The following NAV2 variants were observed in gnomAD, a reference collection of about 807,000 sequenced individuals.
NAV2 encodes the protein helicase, APC down-regulated 1.
Under a neutral mutation model 223.2 loss-of-function variants are expected in NAV2, and 54 were observed. The observed-to-expected ratio is 0.24, with a 90% CI of 0.19 to 0.30. NAV2 has a LOEUF of 0.30. Ranked by LOEUF, NAV2 falls within the 10% of genes least tolerant of loss-of-function variation. NAV2 has a pLI of 1.00. For synonymous variants in NAV2, 1,279 were observed against 1,239.3 expected, an observed-to-expected ratio of 1.03 and a Z score of -0.67; for missense variants, 2,806 against 3,147.5, an observed-to-expected ratio of 0.89 and a Z score of 2.60.
At chr11:20,069,303 G>A (rs561688256) in intron 22 of NAV2, among the ~76,000 whole-genome samples, 1 of 152,106 alleles carries the variant, frequency 6.6e-6, no homozygotes, top group South Asian at 2.1e-4. Context: ...AGTGTCTATG[G>A]CTTGGATGTG....
At position 19,668,566 on chromosome 11, in the gene NAV2, C is replaced by T. The variant is rs73424386; in HGVS notation, c.76-163918C>T. ...AAAAAAAAAAAAAAAAGTAGCCCTA[C>T]GTTCCATAGTCCAGTGATTTGAAGT... On this transcript the variant is annotated intron_variant, in intron 1 of 37. Coordinates refer to the NAV2 transcript ENST00000360655. Among the ~76,000 whole-genome samples, 923 of 149,996 alleles carry T rather than the reference C, an allele frequency of 6.2e-3. 7 individuals carry two copies. The highest frequency in any genetic ancestry group is 0.02 in the African/African-American group (825 of 40,820).
At chr11:19,903,909 T>G (rs1421043830) in intron 6 of NAV2, among the ~76,000 whole-genome samples, 1 of 152,138 alleles carries the variant, frequency 6.6e-6, no homozygotes, top group Admixed American at 6.5e-5. Flanking sequence ...GTGGGTGTGA[T>G]CAGGTTCATG....
intron 16 of NAV2, among the ~76,000 whole-genome samples, chr11:20,050,881 C>T (rs1442489520): frequency 6.6e-6 from 1 of 152,182 alleles, no homozygotes; most frequent in Non-Finnish European, 1.5e-5. Flanking sequence ...AGGGGGTGGG[C>T]CAGAGTTAGG....
intron 1 of NAV2, among the ~76,000 whole-genome samples, chr11:19,458,126 G>A (rs7933839): frequency 2.0e-3 from 306 of 152,344 alleles, no homozygotes; most frequent in African/African-American, 6.7e-3. Context: ...CCAGACGACT[G>A]CATCTGGGAA....
chr11:19,482,097 T>C (rs989570458), intron 1 of NAV2, among the ~76,000 whole-genome samples: 3 of 152,274 alleles, frequency 2.0e-5, no homozygotes, highest in Admixed American at 6.5e-5. Context: ...ATAATCCATT[T>C]ATTGAAAGTC....
At chr11:20,066,746 A>G (rs940779964) in intron 20 of NAV2, among the ~76,000 whole-genome samples, 1 of 152,236 alleles carries the variant, frequency 6.6e-6, no homozygotes, top group Non-Finnish European at 1.5e-5. Flanking sequence ...TTTTTAAAAA[A>G]TAATGGGCTT....
intron 1 of NAV2, among the ~76,000 whole-genome samples, chr11:19,761,760 T>G (rs1174483464): frequency 1.3e-5 from 2 of 152,242 alleles, no homozygotes; most frequent in Non-Finnish European, 2.9e-5. Context: ...AGAGGACTAA[T>G]CCTACCCTCA....
chr11:19,470,609 G>A (rs1013971637), intron 1 of NAV2, among the ~76,000 whole-genome samples: 16 of 152,106 alleles, frequency 1.1e-4, no homozygotes, highest in African/African-American at 3.4e-4. Flanking sequence ...TGACCATAAT[G>A]ACCTAATCAC....
chr11:19,511,127 G>C (rs931805898), intron 1 of NAV2: 2 of 152,212 alleles, frequency 1.3e-5, no homozygotes, highest in Admixed American at 1.3e-4. Flanking sequence ...AGCAAAGTCT[G>C]TTCCTGACTC....
At chr11:19,540,472 A>T (rs1408969543) in intron 1 of NAV2, among the ~76,000 whole-genome samples, 1 of 152,196 alleles carries the variant, frequency 6.6e-6, no homozygotes, top group Non-Finnish European at 1.5e-5. Flanking sequence ...AGGTAACTAT[A>T]ATCATTCCCA....
At chr11:20,107,841 A>C in intron 36 of NAV2, 59 bp downstream of exon 36, 2 of 1,176,058 alleles carry the variant, frequency 1.7e-6, no homozygotes, top group Non-Finnish European at 2.5e-6. Context: ...TGGTGACCAG[A>C]TGAGTTGTCT....
At chr11:20,050,573 A>G (rs1162425271) in intron 16 of NAV2, among the ~76,000 whole-genome samples, 24 of 125,296 alleles carry the variant, frequency 1.9e-4, no homozygotes, top group South Asian at 7.1e-4. Context: ...CTCCTGCCAG[A>G]AAAAAAAAAA....
At chr11:20,001,141 G>A (rs544294467) in intron 11 of NAV2, among the ~76,000 whole-genome samples, 3 of 151,988 alleles carry the variant, frequency 2.0e-5, no homozygotes, top group African/African-American at 7.3e-5. Context: ...CACGCTCCGG[G>A]GTATTGTAAA....
chr11:19,813,355 C>T (rs2058936194), intron 1 of NAV2, among the ~76,000 whole-genome samples: 2 of 152,182 alleles, frequency 1.3e-5, no homozygotes, highest in Admixed American at 1.3e-4. Context: ...GTCCCTTGGC[C>T]TAGAGCTTCA....
chr11:19,826,500 C>T (rs1039191534), intron 1 of NAV2, among the ~76,000 whole-genome samples: 1 of 151,948 alleles, frequency 6.6e-6, no homozygotes, highest in African/African-American at 2.4e-5. Context: ...TCAAGGGTAC[C>T]CCTTGGAAGA....
chr11:19,463,571 G>A (rs1355199148), intron 1 of NAV2, among the ~76,000 whole-genome samples: 1 of 152,224 alleles, frequency 6.6e-6, no homozygotes, highest in African/African-American at 2.4e-5. Context: ...AATTACTTTG[G>A]TGAGTGGCCA....
intron 1 of NAV2, among the ~76,000 whole-genome samples, chr11:19,393,895 GTTTTTTTTTTCTT>G (rs1365189667): frequency 2.2e-5 from 3 of 136,234 alleles, no homozygotes; most frequent in Non-Finnish European, 4.7e-5. Context: ...TAACTTAAGG[GTTTTTTTTTTCTT>G]TTTTTTTTTT....
At chr11:19,931,569 C>T (rs1367536604) in intron 6 of NAV2, among the ~76,000 whole-genome samples, 1 of 137,154 alleles carries the variant, frequency 7.3e-6, no homozygotes, top group Non-Finnish European at 1.5e-5. Context: ...TACTCTGTTG[C>T]TAGAAGGCAG....
intron 1 of NAV2, among the ~76,000 whole-genome samples, chr11:19,593,707 G>A (rs1488741613): frequency 1.3e-5 from 2 of 151,810 alleles, no homozygotes; most frequent in Admixed American, 6.6e-5. Flanking sequence ...CTGGAATTTG[G>A]TGTTGCCACT....
Sources: allele counts gnomAD v4.1 joint callset (sites outside exome capture counted in the v4.1 genomes callset), GRCh38; gene constraint gnomAD v4.1.1; transcripts MANE v1.5; gene names NCBI Gene and HGNC (gene_info 2026-07-23, HGNC 2026-07-21).